DNAH8: variants seen among roughly 807,000 people sequenced by gnomAD.
The protein encoded by DNAH8 is dynein axonemal heavy chain 8.
A neutral mutation model predicts 562.1 loss-of-function variants in DNAH8; 382 were observed. That is an observed-to-expected ratio of 0.68 (90% CI 0.63 to 0.74). DNAH8 has a LOEUF of 0.74. Among genes scored for constraint, DNAH8 ranks in the 30% least tolerant of loss-of-function variants. DNAH8 has a pLI of 0.00. For synonymous variants in DNAH8, 1,881 were observed against 1,919.4 expected, an observed-to-expected ratio of 0.98 and a Z score of 0.52; for missense variants, 5,203 against 5,620.4, an observed-to-expected ratio of 0.93 and a Z score of 2.37.
At chr6:39,000,247 T>A (rs371970424) in intron 88 of DNAH8, among the ~76,000 whole-genome samples, 2 of 152,188 alleles carry the variant, frequency 1.3e-5, no homozygotes, top group South Asian at 4.1e-4. Flanking sequence ...AGGTACAATA[T>A]GGTAAACTCT....
intron 88 of DNAH8, among the ~76,000 whole-genome samples, chr6:39,002,396 G>A (rs9366992): frequency 0.81 from 122,759 of 152,164 alleles, 50,193 homozygotes; most frequent in Middle Eastern, 0.88. Context: ...GACTTTTGTT[G>A]ACTTCATTTT....
intron 26 of DNAH8, among the ~76,000 whole-genome samples, chr6:38,820,219 T>C (rs1411579716): frequency 6.6e-6 from 1 of 152,156 alleles, no homozygotes; most frequent in East Asian, 1.9e-4. Context: ...CGTCTTTTAG[T>C]GATCCAAAGA....
Position 38,913,972 on chromosome 6 carries a change from A to G in DNAH8, c.9963+20A>G. 6.4e-7 allele frequency: 1 copy of G among 1,556,534 alleles called. No individual in the cohort carries two copies. Among genetic ancestry groups the G allele is most frequent in the Non-Finnish European group, 8.9e-7 (1 of 1,128,712 alleles). ...GACGAAGTGAGTTTGCATTTATTTT[A>G]TCACTGATGAGGAATATTTTTCCAT... On this transcript the variant is annotated intron_variant, in intron 67 of 92. Coordinates refer to ENST00000327475, the MANE Select transcript of DNAH8 (RefSeq NM_001206927.2).
chr6:38,746,728 A>G (rs1419749571), intron 8 of DNAH8, among the ~76,000 whole-genome samples: 1 of 152,198 alleles, frequency 6.6e-6, no homozygotes, highest in African/African-American at 2.4e-5. Context: ...CAGGAGTTCG[A>G]GACCAGCCTG....
At chr6:38,780,154 CT>C in intron 15 of DNAH8, 89 bp downstream of exon 15, 1 of 1,235,422 alleles carries the variant, frequency 8.1e-7, no homozygotes, top group Non-Finnish European at 1.1e-6. Flanking sequence ...TCATGCCAAG[CT>C]TTTCAGAGTG....
chr6:38,790,026 TTCTGCAGAA>T, intron 19 of DNAH8, 143 bp downstream of exon 19: 2 of 662,970 alleles, frequency 3.0e-6, no homozygotes, highest in South Asian at 4.3e-5. Context: ...TTTTTTTTTT[TTCTGCAGAA>T]TTTCTTGTCT....
At chr6:38,732,947 G>A (rs989170204) in intron 4 of DNAH8, among the ~76,000 whole-genome samples, 3 of 151,988 alleles carry the variant, frequency 2.0e-5, no homozygotes, top group African/African-American at 7.2e-5. Flanking sequence ...GGAGTGCAGT[G>A]GCATGATCAT....
At chr6:38,903,333 G>C (rs1264042049) in intron 62 of DNAH8, among the ~76,000 whole-genome samples, 1 of 152,092 alleles carries the variant, frequency 6.6e-6, no homozygotes, top group Non-Finnish European at 1.5e-5. Context: ...GGCAGCAGGT[G>C]GTCATATTGT....
At chr6:39,000,554 C>G (rs970854200) in intron 88 of DNAH8, among the ~76,000 whole-genome samples, 11 of 152,126 alleles carry the variant, frequency 7.2e-5, no homozygotes, top group African/African-American at 2.7e-4. Flanking sequence ...CTGCGCATGC[C>G]AGGGACCTAG....
chr6:38,845,504 C>T, intron 35 of DNAH8, 70 bp from the exon 36 acceptor site: 1 of 1,301,146 alleles, frequency 7.7e-7, no homozygotes, highest in African/African-American at 1.5e-5. Flanking sequence ...AAAAAAAATT[C>T]TATGATTTGA....
intron 60 of DNAH8, 118 bp downstream of exon 60, chr6:38,896,343 G>A (rs1583297778): frequency 8.9e-6 from 7 of 788,380 alleles, no homozygotes; most frequent in Non-Finnish European, 1.4e-5. Flanking sequence ...GGAGGCTGAG[G>A]TGGGAGGATT....
At position 38,775,739 on chromosome 6, in the gene DNAH8, A is replaced by G; in HGVS notation, c.1765-15A>G. ...ATCTCATTTAAAAAAGCAAAATAAC[A>G]TTTCTCTTTTTAAGATTACAGAAAT... On this transcript the variant is annotated splice_polypyrimidine_tract_variant and intron_variant, in intron 12 of 92. Transcript: ENST00000327475. 1.3e-6 allele frequency: 2 copies of G among 1,537,344 alleles called. No homozygotes were observed. The highest frequency in any genetic ancestry group is 1.8e-6 in the Non-Finnish European group (2 of 1,124,246).
chr6:39,014,449 G>C (rs900522798), intron 91 of DNAH8, among the ~76,000 whole-genome samples: 2 of 152,150 alleles, frequency 1.3e-5, no homozygotes, highest in Non-Finnish European at 2.9e-5. Context: ...CCATTTGCCA[G>C]CCCCTCTGCT....
chr6:38,984,833 G>A (rs1363091544), intron 87 of DNAH8, among the ~76,000 whole-genome samples: 1 of 152,096 alleles, frequency 6.6e-6, no homozygotes, highest in Non-Finnish European at 1.5e-5. Context: ...CAATCTACTT[G>A]TGGTGCAGAG....
At chr6:38,975,746 T>A (rs1004863479) in intron 85 of DNAH8, among the ~76,000 whole-genome samples, 1 of 152,248 alleles carries the variant, frequency 6.6e-6, no homozygotes, top group Non-Finnish European at 1.5e-5. Context: ...CTGGGAATTG[T>A]TCGCTTTGCT....
intron 60 of DNAH8, among the ~76,000 whole-genome samples, chr6:38,896,931 G>GC (rs1233947821): frequency 6.6e-6 from 1 of 152,082 alleles, no homozygotes; most frequent in African/African-American, 2.4e-5. Context: ...GATTACAGGT[G>GC]CCCCCCACCA....
At position 38,827,733 on chromosome 6, in the gene DNAH8, CTTTTTTTTTTTTTTTTTTT is replaced by C. The variant is rs562852660; in HGVS notation, c.4084-431_4084-413del. On this transcript the variant is annotated intron_variant, in intron 29 of 92. Coordinates refer to ENST00000327475, the MANE Select transcript of DNAH8 (RefSeq NM_001206927.2). ...TGCAAAAGCTTAATTCTTTACCAAA[CTTTTTTTTTTTTTTTTTTT>C]TTTTTTTTTTTTTTTTTTTGGTGAA... Among the ~76,000 whole-genome samples the C allele has an allele frequency of 1.1e-3, 55 of 52,242 alleles. 4 individuals carry two copies. The highest frequency in any genetic ancestry group is 2.4e-3 in the African/African-American group (34 of 13,896). The allele number at this position is 52,242 out of a possible 152,430, so 34.3% of individuals were successfully genotyped here. A position where few individuals can be genotyped will look rare whatever the true frequency, so the allele number is the denominator to read the frequency against.
chr6:38,799,118 A>C (rs1308549796), intron 21 of DNAH8, among the ~76,000 whole-genome samples: 1 of 152,200 alleles, frequency 6.6e-6, no homozygotes, highest in South Asian at 2.1e-4. Context: ...GGTTGGCAGG[A>C]CATGGAGTGT....
Position 38,832,370 on chromosome 6 carries a change from A to C in DNAH8, c.4237A>C (p.Asn1413His), listed in dbSNP as rs1252348914. 1 of 1,613,982 alleles carries C rather than the reference A, an allele frequency of 6.2e-7. No individual in the cohort carries two copies. Among genetic ancestry groups the C allele is most frequent in the Admixed American group, 1.7e-5 (1 of 60,014 alleles). Reference protein sequence around the residue: ...LVQVQPKFKSNLLESVEVFRE... With the variant: ...LVQVQPKFKSHLLESVEVFRE... ...TCAAGTGCAGCCAAAGTTTAAAAGCAATCTACTTGAGTCTGTGGAAGTTTT... is the reference window on the plus strand; with the variant it reads ...TCAAGTGCAGCCAAAGTTTAAAAGCCATCTACTTGAGTCTGTGGAAGTTTT... The change falls in exon 31 of 93, where the codon AAT becomes CAT. Residue 1413 changes from asparagine to histidine, a missense_variant. This residue lies in a region of DNAH8 where 2,176 missense variants were observed against 2,365.1 expected (regional missense o/e 0.92). Coordinates refer to ENST00000327475, the MANE Select transcript of DNAH8 (RefSeq NM_001206927.2).
Sources: allele counts gnomAD v4.1 joint callset (sites outside exome capture counted in the v4.1 genomes callset), GRCh38; gene constraint gnomAD v4.1.1; regional missense constraint gnomAD v4.1.1; transcripts MANE v1.5; gene names NCBI Gene and HGNC (gene_info 2026-07-23, HGNC 2026-07-21).